The following TRIM44 variants were observed in gnomAD, a reference collection of about 807,000 sequenced individuals.
TRIM44 encodes tripartite motif containing 44, also known as tripartite motif-containing protein 44.
Under a neutral mutation model 37.4 loss-of-function variants are expected in TRIM44, and 13 were observed. The ratio of observed to expected loss-of-function variants is 0.35; its 90% CI spans 0.23 to 0.55. The LOEUF (loss-of-function observed/expected upper bound fraction) is 0.55. TRIM44 is among the 20% of genes least tolerant of loss of function. The pLI, the probability that TRIM44 is intolerant of heterozygous loss-of-function variation, is 0.89. For missense variants in TRIM44, 426 were observed against 437.2 expected, an observed-to-expected ratio of 0.97 and a Z score of 0.23; for synonymous variants, 175 against 157.2, an observed-to-expected ratio of 1.11 and a Z score of -0.85.
At chr11:35,777,662 ATC>A (rs1433652215) in intron 4 of TRIM44, among the ~76,000 whole-genome samples, 1 of 152,136 alleles carries the variant, frequency 6.6e-6, no homozygotes, top group Non-Finnish European at 1.5e-5. Flanking sequence ...TGGTGACAAA[ATC>A]TCTCAGCATT....
At chr11:35,697,496 A>G (rs1030537413) in intron 2 of TRIM44, among the ~76,000 whole-genome samples, 1 of 147,602 alleles carries the variant, frequency 6.8e-6, no homozygotes, top group Admixed American at 6.9e-5. Flanking sequence ...GTACATGTGC[A>G]CAATGTGCAG....
chr11:35,668,742 C>G (rs776842222), intron 1 of TRIM44, among the ~76,000 whole-genome samples: 26 of 152,102 alleles, frequency 1.7e-4, no homozygotes, highest in Non-Finnish European at 3.1e-4. Flanking sequence ...AATGGGATTG[C>G]TAGGTATTAT....
intron 4 of TRIM44, among the ~76,000 whole-genome samples, chr11:35,753,029 C>T (rs761596639): frequency 2.8e-4 from 42 of 152,148 alleles, no homozygotes; most frequent in Non-Finnish European, 3.7e-4. Context: ...ATATACAAAT[C>T]GCTTTGCAAA....
chr11:35,743,197 G>A (rs1232928017), intron 4 of TRIM44, among the ~76,000 whole-genome samples: 1 of 152,156 alleles, frequency 6.6e-6, no homozygotes, highest in East Asian at 1.9e-4. Context: ...TGCGGGGAAT[G>A]GTGAATAACT....
chr11:35,736,424 C>T (rs957511845), intron 4 of TRIM44, among the ~76,000 whole-genome samples: 1 of 152,194 alleles, frequency 6.6e-6, no homozygotes, highest in Non-Finnish European at 1.5e-5. Context: ...TATCAAGTCG[C>T]TTATTAAAAG....
intron 4 of TRIM44, among the ~76,000 whole-genome samples, chr11:35,735,858 A>G (rs975173359): frequency 6.6e-6 from 1 of 152,054 alleles, no homozygotes; most frequent in East Asian, 1.9e-4. Context: ...GACCTATAAT[A>G]TCTTTGTGTC....
chr11:35,739,075 T>G (rs1852360020), intron 4 of TRIM44, among the ~76,000 whole-genome samples: 1 of 152,194 alleles, frequency 6.6e-6, no homozygotes, highest in Admixed American at 6.5e-5. Context: ...TGTTTGATAT[T>G]AGGGGACCAA....
chr11:35,776,590 G>A (rs1590592557), intron 4 of TRIM44, among the ~76,000 whole-genome samples: 1 of 152,064 alleles, frequency 6.6e-6, no homozygotes. Flanking sequence ...TCTCTTGTGG[G>A]CATTTAGTGC....
intron 4 of TRIM44, among the ~76,000 whole-genome samples, chr11:35,776,672 T>C (rs1316378104): frequency 1.3e-5 from 2 of 152,234 alleles, no homozygotes; most frequent in African/African-American, 4.8e-5. Context: ...TTGTTCTCAT[T>C]GGTTTCAAAG....
intron 4 of TRIM44, among the ~76,000 whole-genome samples, chr11:35,783,189 A>G (rs1345349809): frequency 6.6e-6 from 1 of 152,200 alleles, no homozygotes; most frequent in Non-Finnish European, 1.5e-5. Context: ...AGATATTGAC[A>G]TAAGTTCCCC....
chr11:35,772,476 A>G (rs1174580776), intron 4 of TRIM44, among the ~76,000 whole-genome samples: 1 of 152,210 alleles, frequency 6.6e-6, no homozygotes, highest in Non-Finnish European at 1.5e-5. Flanking sequence ...GGGAGGCTAT[A>G]CCCTGCAAAG....
intron 1 of TRIM44, among the ~76,000 whole-genome samples, chr11:35,677,513 A>C (rs1047716733): frequency 1.3e-5 from 2 of 152,096 alleles, no homozygotes; most frequent in Non-Finnish European, 2.9e-5. Context: ...AACAACAGAA[A>C]TTATAACTAA....
At chr11:35,789,730 A>G (rs542738485) in intron 4 of TRIM44, among the ~76,000 whole-genome samples, 1 of 152,264 alleles carries the variant, frequency 6.6e-6, no homozygotes, top group Admixed American at 6.5e-5. Flanking sequence ...ACTCAGTTCT[A>G]AGAGGCATAT....
intron 3 of TRIM44, among the ~76,000 whole-genome samples, chr11:35,727,471 A>T (rs2135516805): frequency 6.6e-6 from 1 of 152,328 alleles, no homozygotes; most frequent in Non-Finnish European, 1.5e-5. Flanking sequence ...GTAAGAAACC[A>T]TTGAAAGGTA....
In TRIM44 at chr11:35,663,221, G is replaced by T. The variant is rs1445740770; in HGVS notation, c.110G>T (p.Gly37Val). The T allele has an allele frequency of 1.9e-6, 3 of 1,605,904 alleles. No individual in the cohort carries two copies. The highest frequency in any genetic ancestry group is 2.6e-6 in the Non-Finnish European group (3 of 1,174,672). The change falls in exon 1 of 5, where the codon GGC (glycine) becomes GTC (valine). Residue 37 changes from glycine (G) to valine (V), a missense_variant. Physicochemically the swap from Gly to Val is moderately radical, Grantham distance 109 (BLOSUM62 -3). Around this residue, in one of 2 missense-constraint regions of TRIM44, gnomAD observed 331 missense variants for 303.0 expected, o/e 1.09. Coordinates refer to ENST00000299413, the MANE Select transcript of TRIM44 (RefSeq NM_017583.6). ...GCCGAGGAAGTGTGCCGAGAATGCG[G>T]CTTCTGCTACTGCCGCCGCCATGCC... ...PGAEEVCRECGFCYCRRHAEA... is the reference protein window; with the variant it reads ...PGAEEVCRECVFCYCRRHAEA...
chr11:35,676,445 G>C (rs986775355), intron 1 of TRIM44, among the ~76,000 whole-genome samples: 8 of 152,174 alleles, frequency 5.3e-5, no homozygotes, highest in African/African-American at 1.9e-4. Flanking sequence ...AGAAAAACTT[G>C]TCTTTGGAGA....
intron 2 of TRIM44, among the ~76,000 whole-genome samples, chr11:35,701,818 CA>C (rs1851792280): frequency 1.3e-5 from 2 of 152,110 alleles, no homozygotes; most frequent in African/African-American, 4.8e-5. Context: ...AGGAGATAAA[CA>C]GTGACTTTTA....
chr11:35,702,260 T>A (rs1851797902), intron 2 of TRIM44, among the ~76,000 whole-genome samples: 1 of 152,202 alleles, frequency 6.6e-6, no homozygotes, highest in Admixed American at 6.5e-5. Context: ...AGACCCTGGC[T>A]TTCTGCTGCA....
rs765263686 is a variant in TRIM44, at chr11:35,806,396, C to T, written c.*11C>T. ...GAAGAGGACACATGAAGGCTTGCTA[C>T]CCCCAGTGGAAAATCATCCCCTCCC... On this transcript the variant is annotated 3_prime_UTR_variant, in exon 5 of 5. Transcript: ENST00000299413. 4.3e-6 allele frequency: 7 copies of T among 1,613,376 alleles called. No homozygotes were observed. The highest frequency in any genetic ancestry group is 1.7e-5 in the Admixed American group (1 of 59,978).
Sources: gnomAD v4.1 joint callset for allele counts (sites outside exome capture counted in the v4.1 genomes callset) on GRCh38, gnomAD v4.1.1 for gene constraint, gnomAD v4.1.1 regional missense constraint, MANE v1.5 for transcripts, NCBI Gene and HGNC (gene_info 2026-07-23, HGNC 2026-07-21) for gene names.